Variants in PCDHA5 observed in about 807,000 individuals in gnomAD.
The protein encoded by PCDHA5 is protocadherin alpha-5.
PCDHA5 carries 43 observed loss-of-function variants against 61.6 expected under a neutral mutation model. The observed-to-expected ratio is 0.70, with a 90% confidence interval of 0.55 to 0.90. PCDHA5 has a LOEUF of 0.90. Among genes scored for constraint, PCDHA5 ranks in the 40% least tolerant of loss-of-function variants. PCDHA5 has a pLI of 0.00. For missense variants in PCDHA5, 1,298 were observed against 1,222.7 expected, an observed-to-expected ratio of 1.06 and a Z score of -0.92; for synonymous variants, 627 against 543.9, an observed-to-expected ratio of 1.15 and a Z score of -2.13.
chr5:140,856,683 C>T, intron 1 of PCDHA5: 1 of 1,597,480 alleles, frequency 6.3e-7, no homozygotes, highest in Non-Finnish European at 8.6e-7. Context: ...TTGTTGTTGA[C>T]AGCAACTGAT....
chr5:140,869,758 A>AAACC, intron 1 of PCDHA5: 1 of 1,613,288 alleles, frequency 6.2e-7, no homozygotes, highest in Non-Finnish European at 8.5e-7. Context: ...AGACGGGGGA[A>AAACC]AACCAGAGCT....
intron 1 of PCDHA5, among the ~76,000 whole-genome samples, chr5:140,946,015 G>A (rs246056): frequency 0.57 from 86,078 of 151,518 alleles, 25,094 homozygotes; most frequent in African/African-American, 0.71. Context: ...AAGCTCCTGC[G>A]CAGCAAAGAA....
At position 140,855,852 on chromosome 5, in the gene PCDHA5, G is replaced by A. The variant is rs1233260488; in HGVS notation, c.2352+31725G>A. 21 of 674,672 alleles carry A rather than the reference G, an allele frequency of 3.1e-5. 2 individuals carry two copies. The highest frequency in any genetic ancestry group is 4.6e-5 in the Non-Finnish European group (19 of 409,080). 41.8% of individuals were successfully genotyped at this position (674,672 alleles called of 1,614,324 possible). On this transcript the variant is annotated intron_variant, in intron 1 of 3. Coordinates refer to ENST00000529859, the MANE Select transcript of PCDHA5 (RefSeq NM_018908.3). The stretch of plus-strand genomic sequence containing the variant: ...ATCGTACTTACACCTAAAGCCACCG[G>A]ATGTCGCTGTCGTCCACAAAATAGC...
chr5:140,984,389 A>T (rs1346769556), intron 3 of PCDHA5, among the ~76,000 whole-genome samples: 2 of 152,208 alleles, frequency 1.3e-5, no homozygotes, highest in African/African-American at 4.8e-5. Flanking sequence ...AGATTCAAAA[A>T]ATGTTGAGAA....
At chr5:140,926,872 AC>A in intron 1 of PCDHA5, 1 of 1,525,488 alleles carries the variant, frequency 6.6e-7, no homozygotes, top group Non-Finnish European at 8.8e-7. Flanking sequence ...TGTTGGTGGA[AC>A]GTGGACGCCT....
chr5:140,882,676 C>T (rs1458440894), intron 1 of PCDHA5: 18 of 1,614,060 alleles, frequency 1.1e-5, no homozygotes, highest in Admixed American at 3.3e-5. Context: ...TCCCTGAAAG[C>T]AAGAAACGAA....
chr5:140,835,567 T>C (rs2150238400), intron 1 of PCDHA5: 1 of 1,613,882 alleles, frequency 6.2e-7, no homozygotes, highest in South Asian at 1.1e-5. Flanking sequence ...CGCGTTCCCT[T>C]CAAGTTGGTG....
intron 1 of PCDHA5, chr5:140,849,420 G>A: frequency 6.4e-7 from 1 of 1,572,968 alleles, no homozygotes; most frequent in Non-Finnish European, 8.7e-7. Context: ...AGGACATATG[G>A]ATTTTGAAGA....
intron 1 of PCDHA5, among the ~76,000 whole-genome samples, chr5:140,954,516 G>C (rs782233597): frequency 3.3e-5 from 5 of 152,172 alleles, no homozygotes; most frequent in Admixed American, 6.5e-5. Flanking sequence ...TTTACCTAAT[G>C]ATCAGTGATG....
intron 1 of PCDHA5, among the ~76,000 whole-genome samples, chr5:140,900,920 T>G (rs539511607): frequency 2.0e-5 from 3 of 152,204 alleles, no homozygotes; most frequent in Non-Finnish European, 4.4e-5. Context: ...TAAGATGATA[T>G]CTCATTGTAG....
chr5:140,970,748 A>G (rs2096429835), intron 1 of PCDHA5, among the ~76,000 whole-genome samples: 1 of 152,130 alleles, frequency 6.6e-6, no homozygotes, highest in African/African-American at 2.4e-5. Context: ...TTTGCAATAT[A>G]TTTTCATTGA....
At chr5:140,871,140 C>T (rs939950931) in intron 1 of PCDHA5, 2 of 1,613,336 alleles carry the variant, frequency 1.2e-6, no homozygotes, top group Non-Finnish European at 8.5e-7. Context: ...AGGCCTCTTC[C>T]CGGACTTTGG....
chr5:140,952,913 A>G (rs1013502361), intron 1 of PCDHA5, among the ~76,000 whole-genome samples: 6 of 152,092 alleles, frequency 3.9e-5, no homozygotes, highest in African/African-American at 1.4e-4. Flanking sequence ...CTCATCTTAC[A>G]TGGCATGAGC....
chr5:140,858,279 G>C, intron 1 of PCDHA5: 1 of 1,597,396 alleles, frequency 6.3e-7, no homozygotes, highest in Non-Finnish European at 8.6e-7. Context: ...AGCGCGGTGG[G>C]GAGCTGGTCT....
chr5:140,853,779 T>G lies in PCDHA5; in HGVS notation c.2352+29652T>G, dbSNP rs958716488. On this transcript the variant is annotated intron_variant, in intron 1 of 3. Coordinates refer to ENST00000529859, the MANE Select transcript of PCDHA5 (RefSeq NM_018908.3). ...ACCTCAGAAATTCTGAAATGGGTAG[T>G]AAGAGCAAATTTTCATTTTAAAGCA... 3.5e-5 allele frequency: 35 copies of G among 987,624 alleles called. No individual in the cohort carries two copies. In the African/African-American group the frequency reaches 6.2e-4, roughly 17 times the overall value. 61.2% of individuals were successfully genotyped at this position (987,624 alleles called of 1,614,324 possible).
chr5:140,829,641 T>TGGAGCG, intron 1 of PCDHA5: 1 of 1,612,096 alleles, frequency 6.2e-7, no homozygotes, highest in Non-Finnish European at 8.5e-7. Context: ...AGCGGCAAGG[T>TGGAGCG]GTACGCGCTG....
rs1220718510 is a variant in PCDHA5, at chr5:140,898,104, A to T, written c.2352+73977A>T. 2.0e-5 allele frequency among the ~76,000 whole-genome samples: 3 copies of T among 152,110 alleles called. No individual in the cohort carries two copies. In the South Asian group the frequency reaches 6.2e-4, roughly 32 times the overall value. On this transcript the variant is annotated intron_variant, in intron 1 of 3. Coordinates refer to ENST00000529859, the MANE Select transcript of PCDHA5 (RefSeq NM_018908.3). Reference sequence around the variant, plus strand: ...CTGGATATTAGCCCTTTGTCAGATGAGTAGGTTGCGAAAATTTTCTCCCAT... The same window carrying T: ...CTGGATATTAGCCCTTTGTCAGATGTGTAGGTTGCGAAAATTTTCTCCCAT...
In PCDHA5 at chr5:140,823,207, G is replaced by A; in HGVS notation, c.1432G>A (p.Ala478Thr). 6.2e-7 allele frequency: 1 copy of A among 1,613,830 alleles called. No homozygotes were observed. The highest frequency in any genetic ancestry group is 8.5e-7 in the Non-Finnish European group (1 of 1,179,824). ...PPGCHIFTVS[A>T]RDADAQENAL... is the part of the protein sequence containing the mutation. Reference sequence around the variant, plus strand: ...AGGCTGCCACATCTTCACGGTGTCTGCACGGGACGCGGACGCGCAGGAGAA... The same window carrying A: ...AGGCTGCCACATCTTCACGGTGTCTACACGGGACGCGGACGCGCAGGAGAA... The change falls in exon 1 of 4, where the codon GCA becomes ACA. Residue 478 changes from alanine (A) to threonine (T), a missense_variant. Transcript: ENST00000529859.
intron 1 of PCDHA5, among the ~76,000 whole-genome samples, chr5:140,838,948 T>C (rs1437181884): frequency 6.6e-6 from 1 of 151,904 alleles, no homozygotes; most frequent in Non-Finnish European, 1.5e-5. Context: ...TAAAATAAAA[T>C]AAAATAAAAA....
Sources: allele counts gnomAD v4.1 joint callset (sites outside exome capture counted in the v4.1 genomes callset), GRCh38; gene constraint gnomAD v4.1.1; transcripts MANE v1.5; gene names NCBI Gene and HGNC (gene_info 2026-07-23, HGNC 2026-07-21).